Variants in RAB3GAP2 observed in about 807,000 individuals in gnomAD.
RAB3GAP2 encodes RAB3 GTPase activating non-catalytic protein subunit 2.
Under a neutral mutation model 185.3 loss-of-function variants are expected in RAB3GAP2, and 87 were observed. That is an observed-to-expected ratio of 0.47 (90% confidence interval 0.39 to 0.56). The LOEUF (loss-of-function observed/expected upper bound fraction) is 0.56, where lower values mean the gene tolerates loss of function less well. Among genes scored for constraint, RAB3GAP2 ranks in the 20% least tolerant of loss-of-function variants. RAB3GAP2 has a pLI of 0.00. For synonymous variants in RAB3GAP2, 554 were observed against 576.1 expected (o/e 0.96, Z 0.55); for missense variants, 1,492 against 1,638.2 (o/e 0.91, Z 1.54).
chr1:220,266,482 A>C lies in RAB3GAP2; in HGVS notation c.115+5741T>G. On this transcript the variant is annotated intron_variant, in intron 1 of 34. Transcript: ENST00000358951. ...TGCCTCCAGATTATGAACCAGTATAAGTAGCACAATTCTCGTGGCTACTTT... is the reference window on the plus strand; with the variant it reads ...TGCCTCCAGATTATGAACCAGTATACGTAGCACAATTCTCGTGGCTACTTT... 5.4e-6 allele frequency: 3 copies of C among 558,708 alleles called. No individual in the cohort carries two copies. In the South Asian group the frequency reaches 5.7e-5, roughly 11 times the overall value. 34.6% of individuals were successfully genotyped at this position (558,708 alleles called of 1,614,324 possible). A position where few individuals can be genotyped will look rare whatever the true frequency, so the allele number is the denominator to read the frequency against.
At chr1:220,254,375 G>A (rs941764463) in intron 1 of RAB3GAP2, 50 of 1,611,476 alleles carry the variant, frequency 3.1e-5, no homozygotes, top group Admixed American at 5.0e-5. Flanking sequence ...TTATTTGTAC[G>A]AATTGGAGCA....
intron 8 of RAB3GAP2, among the ~76,000 whole-genome samples, chr1:220,204,737 TC>T (rs1478042497): frequency 6.0e-4 from 28 of 46,358 alleles, no homozygotes; most frequent in Middle Eastern, 0.013. Flanking sequence ...CCCTCCCCCC[TC>T]CCCCCACCCC....
chr1:220,192,432 C>T (rs1208459079), intron 13 of RAB3GAP2, among the ~76,000 whole-genome samples: 1 of 152,166 alleles, frequency 6.6e-6, no homozygotes, highest in African/African-American at 2.4e-5. Context: ...TGACATGTTA[C>T]TATTCCAGAT....
intron 2 of RAB3GAP2, among the ~76,000 whole-genome samples, chr1:220,228,636 A>C (rs1041727574): frequency 6.6e-6 from 1 of 152,200 alleles, no homozygotes; most frequent in African/African-American, 2.4e-5. Context: ...ATAACCTCTG[A>C]ACTTCATTGT....
chr1:220,246,413 T>C (rs1468914841), intron 1 of RAB3GAP2, among the ~76,000 whole-genome samples: 6 of 142,314 alleles, frequency 4.2e-5, no homozygotes, highest in Non-Finnish European at 9.2e-5. Context: ...AGCCATCCCA[T>C]TACTGGGTAT....
Position 220,177,889 on chromosome 1 carries a change from G to T in RAB3GAP2, c.2310+4368C>A, listed in dbSNP as rs540182164. On this transcript the variant is annotated intron_variant, in intron 21 of 34. Coordinates refer to ENST00000358951, the MANE Select transcript of RAB3GAP2 (RefSeq NM_012414.4). ...ACTGAGAAAGACAAAGGAGTAGAAC[G>T]TTTACTCAAATAAGTAATAACAGAA... is the stretch of plus-strand genomic sequence containing the variant. Among the ~76,000 whole-genome samples the T allele has an allele frequency of 1.3e-3, 192 of 152,148 alleles. No homozygotes were observed. The Middle Eastern group carries it at 0.017, about 13-fold the overall frequency.
intron 1 of RAB3GAP2, among the ~76,000 whole-genome samples, chr1:220,243,535 G>C (rs887330940): frequency 1.3e-5 from 2 of 152,190 alleles, no homozygotes; most frequent in African/African-American, 4.8e-5. Context: ...ATAAGTGGCA[G>C]AACTGGGATT....
chr1:220,157,484 T>C lies in RAB3GAP2; in HGVS notation c.3341A>G (p.Asp1114Gly), dbSNP rs1321409107. 1 of 1,613,118 alleles carries C rather than the reference T, an allele frequency of 6.2e-7. No individual in the cohort carries two copies. Among genetic ancestry groups the C allele is most frequent in the Non-Finnish European group, 8.5e-7 (1 of 1,179,930 alleles). Reference sequence around the variant, plus strand: ...CACCTGTATTTCATCCCTGCTAACATCTGCCTAAGGGTTTTGAGAATGGAG... The same window carrying C: ...CACCTGTATTTCATCCCTGCTAACACCTGCCTAAGGGTTTTGAGAATGGAG... ...LDLLQILMEA[D>G]VSRDEIQVPV... The change falls in exon 31 of 35, where the codon GAT becomes GGT. Residue 1114 changes from aspartate (D) to glycine (G), a missense_variant. Around this residue, in one of 5 missense-constraint regions of RAB3GAP2, gnomAD observed 387 missense variants for 455.3 expected, o/e 0.85. Coordinates refer to ENST00000358951, the MANE Select transcript of RAB3GAP2 (RefSeq NM_012414.4).
chr1:220,172,392 C>T (rs2102859614), intron 22 of RAB3GAP2, among the ~76,000 whole-genome samples: 1 of 152,228 alleles, frequency 6.6e-6, no homozygotes, highest in African/African-American at 2.4e-5. Flanking sequence ...ATTTGCCTTA[C>T]TGAGTTAAGA....
At chr1:220,182,461 G>A (rs1483165871) in intron 20 of RAB3GAP2, 107 bp from the exon 21 acceptor site, 1 of 1,539,466 alleles carries the variant, frequency 6.5e-7, no homozygotes, top group African/African-American at 1.4e-5. Flanking sequence ...ACATTATGAA[G>A]GAAGAGAAAT....
rs1658033346 is a variant in RAB3GAP2 at position 220,164,753 on chromosome 1, A to T, written c.3134T>A (p.Phe1045Tyr). The change falls in exon 27 of 35, where the codon TTT becomes TAT. Residue 1045 changes from phenylalanine (F) to tyrosine (Y), a missense_variant. Phe to Tyr is a conservative substitution (Grantham distance 22, BLOSUM62 3). This residue lies in a region of RAB3GAP2 where 387 missense variants were observed against 455.3 expected (regional missense o/e 0.85). Transcript: ENST00000358951. Reference protein sequence around the residue: ...VRSIEHLKQIFNAHVQNGIAL... With the variant: ...VRSIEHLKQIYNAHVQNGIAL... ...CTTACCATTTTGAACATGTGCATTA[A>T]ATATTTGCTTCAAGTGTTCTATTGA... is the stretch of plus-strand genomic sequence containing the variant. 1 of 1,607,760 alleles carries T rather than the reference A, an allele frequency of 6.2e-7. No individual in the cohort carries two copies. Among genetic ancestry groups the T allele is most frequent in the Middle Eastern group, 1.7e-4 (1 of 5,966 alleles).
chr1:220,232,715 C>T (rs1176467376), intron 2 of RAB3GAP2, 84 bp downstream of exon 2: 9 of 1,246,248 alleles, frequency 7.2e-6, no homozygotes, highest in Non-Finnish European at 9.4e-6. Flanking sequence ...TTTAAAATGT[C>T]AGCTTGACAG....
At chr1:220,167,153 T>A in intron 26 of RAB3GAP2, 140 bp downstream of exon 26, 3 of 754,722 alleles carry the variant, frequency 4.0e-6, no homozygotes, top group Non-Finnish European at 7.0e-6. Flanking sequence ...GTGAAAAAGG[T>A]CTACCCTAGT....
chr1:220,192,383 C>T (rs780542201), intron 13 of RAB3GAP2, among the ~76,000 whole-genome samples: 1 of 152,270 alleles, frequency 6.6e-6, no homozygotes, highest in Non-Finnish European at 1.5e-5. Context: ...TCACATTTTA[C>T]AGGATAGACA....
At chr1:220,182,685 G>T in intron 20 of RAB3GAP2, 33 bp downstream of exon 20, 2 of 1,443,838 alleles carry the variant, frequency 1.4e-6, no homozygotes, top group South Asian at 1.3e-5. Flanking sequence ...TAAAAGAAGA[G>T]GCATACAAAG....
At chr1:220,235,035 G>A (rs1659566227) in intron 1 of RAB3GAP2, among the ~76,000 whole-genome samples, 1 of 152,130 alleles carries the variant, frequency 6.6e-6, no homozygotes, top group Non-Finnish European at 1.5e-5. Context: ...AATCACACAG[G>A]AGTAAGTGGC....
intron 28 of RAB3GAP2, 26 bp from the exon 29 acceptor site, chr1:220,159,447 A>G: frequency 2.0e-6 from 3 of 1,509,116 alleles, no homozygotes; most frequent in Non-Finnish European, 2.7e-6. Context: ...AAAATGTTGT[A>G]ACATTTAATA....
chr1:220,267,271 T>A (rs1660244879), intron 1 of RAB3GAP2: 1 of 907,854 alleles, frequency 1.1e-6, no homozygotes, highest in Non-Finnish European at 1.9e-6. Flanking sequence ...ATTGACTGTT[T>A]CAAGTGGTGT....
At chr1:220,175,313 G>A (rs965090237) in intron 21 of RAB3GAP2, among the ~76,000 whole-genome samples, 5 of 151,782 alleles carry the variant, frequency 3.3e-5, no homozygotes, top group African/African-American at 2.4e-5. Flanking sequence ...GACAGCCTCC[G>A]CCTCCCAGGT....
Sources: allele counts gnomAD v4.1 joint callset (sites outside exome capture counted in the v4.1 genomes callset), GRCh38; gene constraint gnomAD v4.1.1; regional missense constraint gnomAD v4.1.1; transcripts MANE v1.5; gene names NCBI Gene and HGNC (gene_info 2026-07-23, HGNC 2026-07-21).